The following SPATA31C1 variants were observed in gnomAD, a reference collection of about 807,000 sequenced individuals.
SPATA31C1 encodes SPATA31 subfamily C member 1, also known as spermatogenesis-associated protein 31C1.
chr9:87,920,458 G>T lies in SPATA31C1; in HGVS notation n.848G>T, dbSNP rs748132752. ...GATCTGGCCTCCACCCCACCACCAG[G>T]CCCAATGACCACCTCAGTCTCCTCC... On this transcript the variant is annotated non_coding_transcript_exon_variant, in exon 5 of 5. Coordinates refer to ENST00000420021, the Ensembl canonical transcript of SPATA31C1. The T allele has an allele frequency of 7.4e-6, 12 of 1,613,722 alleles. No individual in the cohort carries two copies. In the South Asian group the frequency reaches 1.3e-4, roughly 18 times the overall value.
exon 5 of SPATA31C1, chr9:87,921,132 A>C: frequency 6.2e-7 from 1 of 1,611,806 alleles, no homozygotes; most frequent in Non-Finnish European, 8.5e-7. Context: ...GCCTTTGTTG[A>C]GGAAACAACT....
At position 87,916,068 on chromosome 9, in the gene SPATA31C1, G is replaced by C. The variant is rs529505145; in HGVS notation, n.189+1358G>C. Among the ~76,000 whole-genome samples the C allele has an allele frequency of 2.6e-3, 377 of 143,434 alleles. 33 individuals are homozygous for C. Among genetic ancestry groups the C allele is most frequent in the Admixed American group, 3.4e-3 (49 of 14,434 alleles). The allele number at this position is 143,434 out of a possible 152,430, so 94.1% of individuals were successfully genotyped here. On this transcript the variant is annotated intron_variant and non_coding_transcript_variant, in intron 1 of 4. Transcript: ENST00000420021. ...ATAGAAATTTTATAGCCACAGAGCA[G>C]GGTGGAGGGGTGGTAGTGTATGGAA...
exon 5 of SPATA31C1, chr9:87,922,444 T>C: frequency 6.2e-7 from 1 of 1,610,474 alleles, no homozygotes; most frequent in Non-Finnish European, 8.5e-7. Context: ...CTCCCTAGAA[T>C]GTCTGTCTCC....
chr9:87,922,404 A>G, exon 5 of SPATA31C1: 2 of 1,610,236 alleles, frequency 1.2e-6, no homozygotes, highest in Non-Finnish European at 1.7e-6. Context: ...GCGTGGTTTC[A>G]AGGCTCCAGG....
exon 5 of SPATA31C1, chr9:87,922,113 A>G: frequency 6.2e-7 from 1 of 1,613,866 alleles, no homozygotes; most frequent in South Asian, 1.1e-5. Flanking sequence ...CATGCCAGAG[A>G]GGCTTCAGGC....
exon 5 of SPATA31C1, chr9:87,922,308 G>A (rs1445516596): frequency 8.1e-6 from 13 of 1,611,720 alleles, no homozygotes; most frequent in South Asian, 3.3e-5. Context: ...TTCAAGGGCT[G>A]GAGAGACCAG....
chr9:87,916,544 A>G (rs1484902210), intron 1 of SPATA31C1, among the ~76,000 whole-genome samples: 1 of 150,288 alleles, frequency 6.7e-6, no homozygotes, highest in African/African-American at 2.4e-5. Flanking sequence ...TCAAAAGTCA[A>G]CAACGACAAC....
At chr9:87,923,222 G>A (rs374279707) in exon 5 of SPATA31C1, 28 of 1,603,236 alleles carry the variant, frequency 1.7e-5, no homozygotes, top group African/African-American at 2.7e-5. Flanking sequence ...ACAGACACCC[G>A]TTCTACTCAG....
At chr9:87,922,554 G>C (rs751830000) in exon 5 of SPATA31C1, 3 of 1,610,314 alleles carry the variant, frequency 1.9e-6, no homozygotes, top group South Asian at 2.2e-5. Context: ...TTCTGCCGCT[G>C]TTGTGCTCCT....
Position 87,922,178 on chromosome 9 carries a change from A to C in SPATA31C1, n.2568A>C, listed in dbSNP as rs512276. ...GGGCCCCGCGAGGGATCCCATCTTC[A>C]AATGATCATGGGTCCTTGAAGGCTC... is the stretch of plus-strand genomic sequence containing the variant. On this transcript the variant is annotated non_coding_transcript_exon_variant, in exon 5 of 5. Transcript: ENST00000420021. 6.8e-6 allele frequency: 11 copies of C among 1,613,026 alleles called. No individual in the cohort carries two copies. In the East Asian group the frequency reaches 1.3e-4, roughly 20 times the overall value.
exon 5 of SPATA31C1, chr9:87,920,860 G>A (rs774296547): frequency 3.1e-6 from 5 of 1,613,526 alleles, no homozygotes; most frequent in East Asian, 2.2e-5. Flanking sequence ...TCCCGCCAAA[G>A]GGACACCACA....
intron 2 of SPATA31C1, 99 bp from the exon 2 acceptor site, chr9:87,919,156 A>C: frequency 6.4e-7 from 1 of 1,550,738 alleles, no homozygotes. Context: ...CTCCCTGAGC[A>C]AGACAGACAG....
exon 5 of SPATA31C1, chr9:87,920,929 C>A (rs750782835): frequency 8.7e-6 from 14 of 1,613,216 alleles, no homozygotes; most frequent in Non-Finnish European, 1.2e-5. Flanking sequence ...GAGTCCCAAC[C>A]CTTTATTTCA....
intron 3 of SPATA31C1, 74 bp downstream of exon 2, chr9:87,919,422 C>T (rs950125059): frequency 6.0e-5 from 94 of 1,579,430 alleles, no homozygotes; most frequent in Non-Finnish European, 7.3e-5. Flanking sequence ...CTGAAGAAGT[C>T]AGTTGAAAAA....
At chr9:87,916,573 T>A (rs1828724974) in intron 1 of SPATA31C1, among the ~76,000 whole-genome samples, 1 of 150,090 alleles carries the variant, frequency 6.7e-6, no homozygotes, top group African/African-American at 2.4e-5. Context: ...ACAAGCCAAT[T>A]AGAAAATGGG....
At chr9:87,916,933 G>C (rs1205749399) in intron 1 of SPATA31C1, among the ~76,000 whole-genome samples, 6 of 58,358 alleles carry the variant, frequency 1.0e-4, no homozygotes, top group African/African-American at 5.0e-4. Context: ...GGACGCACAG[G>C]TTGCAGTGAG....
chr9:87,918,803 T>G, intron 2 of SPATA31C1: 1 of 270,580 alleles, frequency 3.7e-6, no homozygotes, highest in Middle Eastern at 1.3e-3. Flanking sequence ...TTATTTATTT[T>G]GTTTTTTGTG....
exon 5 of SPATA31C1, chr9:87,920,627 C>G (rs185881132): frequency 6.2e-7 from 1 of 1,613,852 alleles, no homozygotes; most frequent in South Asian, 1.1e-5. Context: ...CTCCTCCTCC[C>G]CTGCGGGACT....
intron 2 of SPATA31C1, chr9:87,919,274 G>A (rs372123336): frequency 2.3e-5 from 36 of 1,599,350 alleles, no homozygotes; most frequent in Middle Eastern, 3.3e-4. Context: ...GTCTCCCAGC[G>A]TCATCTTGTC....
Sources: gnomAD v4.1 joint callset for allele counts (sites outside exome capture counted in the v4.1 genomes callset) on GRCh38, gnomAD v4.1.1 for gene constraint, MANE v1.5 for transcripts, NCBI Gene and HGNC (gene_info 2026-07-23, HGNC 2026-07-21) for gene names.